The following ROBO2 variants were observed in gnomAD, a reference collection of about 807,000 sequenced individuals.
ROBO2 encodes the protein roundabout homolog 2.
In ROBO2, 53 loss-of-function variants were observed where a neutral mutation model predicts 160.8. The observed-to-expected ratio is 0.33, with a 90% CI of 0.26 to 0.41. ROBO2 has a LOEUF of 0.41. Ranked by LOEUF, ROBO2 falls within the 10% of genes least tolerant of loss-of-function variation. The pLI is 1.00. For missense variants in ROBO2, 1,577 were observed against 1,722.4 expected (o/e 0.92, Z 1.49); for synonymous variants, 664 against 611.7 (o/e 1.09, Z -1.26).
intron 2 of ROBO2, among the ~76,000 whole-genome samples, chr3:77,124,588 G>C (rs1484617507): frequency 6.6e-6 from 1 of 152,134 alleles, no homozygotes; most frequent in Non-Finnish European, 1.5e-5. Flanking sequence ...TGGAGTTGTA[G>C]GAGTGGGTTA....
intron 2 of ROBO2, among the ~76,000 whole-genome samples, chr3:76,862,719 C>T (rs568374613): frequency 6.6e-6 from 1 of 152,032 alleles, no homozygotes; most frequent in South Asian, 2.1e-4. Context: ...TGAGACTGAC[C>T]TTCCTGTTTC....
At chr3:77,134,622 T>A (rs761049189) in intron 2 of ROBO2, among the ~76,000 whole-genome samples, 10 of 152,202 alleles carry the variant, frequency 6.6e-5, no homozygotes, top group Non-Finnish European at 1.0e-4. Flanking sequence ...ATCGTGAATG[T>A]TCACATCTTT....
At chr3:75,984,090 T>A (rs2065348481) in intron 2 of ROBO2, among the ~76,000 whole-genome samples, 1 of 151,476 alleles carries the variant, frequency 6.6e-6, no homozygotes, top group African/African-American at 2.4e-5. Context: ...CAACTGGAAG[T>A]TGGAACACTC....
intron 2 of ROBO2, among the ~76,000 whole-genome samples, chr3:76,966,202 G>T (rs149210551): frequency 2.6e-5 from 4 of 151,920 alleles, no homozygotes; most frequent in Admixed American, 6.5e-5. Context: ...GATTACAGGC[G>T]TGAGCCACCG....
intron 2 of ROBO2, among the ~76,000 whole-genome samples, chr3:76,610,450 T>C (rs1195932971): frequency 1.3e-5 from 2 of 152,120 alleles, no homozygotes; most frequent in South Asian, 2.1e-4. Context: ...GGCGCCAGTG[T>C]CTAGTTGAGG....
intron 2 of ROBO2, among the ~76,000 whole-genome samples, chr3:76,811,423 A>T (rs2108992103): frequency 6.6e-6 from 1 of 152,312 alleles, no homozygotes; most frequent in South Asian, 2.1e-4. Context: ...AGATAAAATC[A>T]AACAGATCTT....
At chr3:76,288,226 G>T (rs1708625314) in intron 2 of ROBO2, among the ~76,000 whole-genome samples, 1 of 151,952 alleles carries the variant, frequency 6.6e-6, no homozygotes, top group Non-Finnish European at 1.5e-5. Context: ...AATTAAAATA[G>T]GAAATAACCT....
At chr3:76,653,564 T>A (rs902351983) in intron 2 of ROBO2, among the ~76,000 whole-genome samples, 3 of 151,966 alleles carry the variant, frequency 2.0e-5, no homozygotes, top group Non-Finnish European at 4.4e-5. Context: ...GATTCTTATA[T>A]CTTACTATCC....
chr3:76,141,079 A>T (rs77786661), intron 2 of ROBO2, among the ~76,000 whole-genome samples: 142 of 105,882 alleles, frequency 1.3e-3, no homozygotes, highest in Non-Finnish European at 1.6e-3. Context: ...ATATATATAA[A>T]ATATATGTGC....
intron 2 of ROBO2, among the ~76,000 whole-genome samples, chr3:76,515,148 G>C (rs1033548199): frequency 2.6e-5 from 4 of 152,114 alleles, no homozygotes; most frequent in African/African-American, 7.2e-5. Flanking sequence ...TTTCCAGTTT[G>C]AGATGTTTAA....
chr3:76,890,974 A>G (rs1011988886), intron 2 of ROBO2, among the ~76,000 whole-genome samples: 2 of 152,178 alleles, frequency 1.3e-5, no homozygotes, highest in African/African-American at 4.8e-5. Context: ...TGAAATTAAG[A>G]CAAATCTTTC....
intron 2 of ROBO2, among the ~76,000 whole-genome samples, chr3:77,447,525 T>C (rs2080667727): frequency 6.6e-6 from 1 of 152,164 alleles, no homozygotes; most frequent in Non-Finnish European, 1.5e-5. Context: ...AAGATGCTAA[T>C]GTGCTTGAGT....
intron 2 of ROBO2, among the ~76,000 whole-genome samples, chr3:76,815,353 G>A (rs1487958738): frequency 1.3e-5 from 2 of 151,678 alleles, no homozygotes; most frequent in African/African-American, 4.8e-5. Flanking sequence ...AGTCCAATAA[G>A]CTGAGCTATT....
chr3:76,593,998 G>A (rs1464764972), intron 2 of ROBO2, among the ~76,000 whole-genome samples: 1 of 151,908 alleles, frequency 6.6e-6, no homozygotes, highest in Non-Finnish European at 1.5e-5. Flanking sequence ...TTGTTGTAAA[G>A]TAACATATTA....
At chr3:76,026,863 G>T (rs927654541) in intron 2 of ROBO2, among the ~76,000 whole-genome samples, 4 of 151,802 alleles carry the variant, frequency 2.6e-5, no homozygotes, top group African/African-American at 9.7e-5. Context: ...GAGTGAAAAG[G>T]GCCAAGTCAT....
chr3:76,101,319 G>T (rs887915832), intron 2 of ROBO2, among the ~76,000 whole-genome samples: 14 of 152,224 alleles, frequency 9.2e-5, no homozygotes, highest in Admixed American at 9.2e-4. Context: ...ACACTATACA[G>T]ACAGCAGTGC....
intron 2 of ROBO2, among the ~76,000 whole-genome samples, chr3:76,699,976 G>A (rs1006525840): frequency 6.6e-6 from 1 of 151,878 alleles, no homozygotes; most frequent in Non-Finnish European, 1.5e-5. Flanking sequence ...GTCCCTTTTG[G>A]GTAAATCCTA....
intron 2 of ROBO2, among the ~76,000 whole-genome samples, chr3:76,622,237 A>G (rs867920063): frequency 5.2e-4 from 21 of 40,212 alleles, no homozygotes; most frequent in South Asian, 3.9e-3. Context: ...GAAGGAAGGA[A>G]GAAAGAAAGA....
At chr3:76,033,384 G>A (rs992251256) in intron 2 of ROBO2, among the ~76,000 whole-genome samples, 12 of 151,986 alleles carry the variant, frequency 7.9e-5, no homozygotes, top group African/African-American at 2.9e-4. Context: ...AAAGGCCTAG[G>A]GTCACCTTCA....
Sources: gnomAD v4.1 joint callset for allele counts (sites outside exome capture counted in the v4.1 genomes callset) on GRCh38, gnomAD v4.1.1 for gene constraint, MANE v1.5 for transcripts, NCBI Gene and HGNC (gene_info 2026-07-23, HGNC 2026-07-21) for gene names.